The following RNU6ATAC variants were observed in gnomAD, a reference collection of about 807,000 sequenced individuals.
The protein encoded by RNU6ATAC is RNA, U6atac small nuclear.
exon 1 of RNU6ATAC, chr9:134,164,559 C>G (rs985803578): frequency 6.6e-6 from 1 of 152,166 alleles, no homozygotes; most frequent in Non-Finnish European, 1.5e-5. Context: ...TCCTTTCATA[C>G]AACACGCCTC....
chr9:134,164,492 G>C (rs1174531925), exon 1 of RNU6ATAC: 1 of 150,526 alleles, frequency 6.6e-6, no homozygotes, highest in South Asian at 2.1e-4. Context: ...AACCGTATGC[G>C]TGTTGTCAGG....
chr9:134,164,494 G>GT (rs1377120209), exon 1 of RNU6ATAC: 1 of 150,676 alleles, frequency 6.6e-6, no homozygotes, highest in Admixed American at 6.6e-5. Context: ...CCGTATGCGT[G>GT]TTGTCAGGCC....
chr9:134,164,549 T>C (rs1347177974), exon 1 of RNU6ATAC: 1 of 152,138 alleles, frequency 6.6e-6, no homozygotes. Context: ...TAACCTTCTC[T>C]CCTTTCATAC....
At chr9:134,164,514 C>CG (rs768587731) in exon 1 of RNU6ATAC, 3 of 152,036 alleles carry the variant, frequency 2.0e-5, no homozygotes, top group Non-Finnish European at 4.4e-5. Flanking sequence ...CCGAGGGCCT[C>CG]TTCCATCCTT....
chr9:134,164,498 T>G (rs1179239351), exon 1 of RNU6ATAC: 1 of 152,160 alleles, frequency 6.6e-6, no homozygotes, highest in East Asian at 1.9e-4. Flanking sequence ...ATGCGTGTTG[T>G]CAGGCCCGAG....
At chr9:134,164,446 G>C (rs1359319021) in exon 1 of RNU6ATAC, 3 of 149,796 alleles carry the variant, frequency 2.0e-5, no homozygotes, top group African/African-American at 5.0e-5. Context: ...AAAAAAAAAC[G>C]ATGGTTAGAT....
At chr9:134,164,464 A>C (rs1020414546) in exon 1 of RNU6ATAC, 18 of 151,770 alleles carry the variant, frequency 1.2e-4, no homozygotes, top group African/African-American at 4.1e-4. Flanking sequence ...GATGCCACGA[A>C]GTAGGTGGCA....
chr9:134,164,550 C>T (rs1275567613), exon 1 of RNU6ATAC: 2 of 152,170 alleles, frequency 1.3e-5, no homozygotes, highest in African/African-American at 2.4e-5. Flanking sequence ...AACCTTCTCT[C>T]CTTTCATACA....
chr9:134,164,506 G>C (rs1041889612), exon 1 of RNU6ATAC: 1 of 151,354 alleles, frequency 6.6e-6, no homozygotes, highest in Non-Finnish European at 1.5e-5. Context: ...TGTCAGGCCC[G>C]AGGGCCTCTT....
exon 1 of RNU6ATAC, chr9:134,164,485 C>CGT (rs1833024510): frequency 6.6e-6 from 1 of 152,020 alleles, no homozygotes; most frequent in Admixed American, 6.5e-5. Context: ...ATGCCTTAAC[C>CGT]GTATGCGTGT....
Position 134,164,535 on chromosome 9 carries a change from G to A in RNU6ATAC, n.30C>T, listed in dbSNP as rs1419799440. On this transcript the variant is annotated non_coding_transcript_exon_variant, in exon 1 of 1. Transcript: ENST00000408749. ...GCCTCTTCCATCCTTGTCAAGGGGA[G>A]TGCTAACCTTCTCTCCTTTCATACA... 1 of 151,924 alleles carries A rather than the reference G, an allele frequency of 6.6e-6. No individual in the cohort carries two copies. The highest frequency in any genetic ancestry group is 1.5e-5 in the Non-Finnish European group (1 of 68,020). 9.4% of individuals were successfully genotyped at this position (151,924 alleles called of 1,614,324 possible). A position where few individuals can be genotyped will look rare whatever the true frequency, so the allele number is the denominator to read the frequency against.
At chr9:134,164,505 C>T (rs1239045277) in exon 1 of RNU6ATAC, 5 of 151,936 alleles carry the variant, frequency 3.3e-5, no homozygotes, top group Non-Finnish European at 5.9e-5. Flanking sequence ...TTGTCAGGCC[C>T]GAGGGCCTCT....
At chr9:134,164,476 T>G (rs1467121575) in exon 1 of RNU6ATAC, 1 of 149,014 alleles carries the variant, frequency 6.7e-6, no homozygotes, top group African/African-American at 2.5e-5. Flanking sequence ...TAGGTGGCAA[T>G]GCCTTAACCG....
chr9:134,164,525 G>C (rs1445714938), exon 1 of RNU6ATAC: 1 of 151,388 alleles, frequency 6.6e-6, no homozygotes, highest in African/African-American at 2.4e-5. Context: ...TTCCATCCTT[G>C]TCAAGGGGAG....
chr9:134,164,508 G>A (rs907304037), exon 1 of RNU6ATAC: 5 of 151,590 alleles, frequency 3.3e-5, no homozygotes, highest in African/African-American at 7.3e-5. Flanking sequence ...TCAGGCCCGA[G>A]GGCCTCTTCC....
exon 1 of RNU6ATAC, chr9:134,164,495 T>G (rs782563797): frequency 6.6e-6 from 1 of 152,060 alleles, no homozygotes; most frequent in African/African-American, 2.4e-5. Context: ...CGTATGCGTG[T>G]TGTCAGGCCC....
exon 1 of RNU6ATAC, chr9:134,164,498 T>TA (rs1201794491): frequency 2.6e-5 from 4 of 152,160 alleles, no homozygotes; most frequent in Non-Finnish European, 4.4e-5. Context: ...ATGCGTGTTG[T>TA]CAGGCCCGAG....
exon 1 of RNU6ATAC, chr9:134,164,499 C>G (rs551432253): frequency 6.6e-6 from 1 of 151,310 alleles, no homozygotes; most frequent in African/African-American, 2.4e-5. Flanking sequence ...TGCGTGTTGT[C>G]AGGCCCGAGG....
exon 1 of RNU6ATAC, chr9:134,164,536 T>G (rs1166751573): frequency 6.6e-6 from 1 of 151,056 alleles, no homozygotes; most frequent in Non-Finnish European, 1.5e-5. Context: ...TCAAGGGGAG[T>G]GCTAACCTTC....
Sources: allele counts gnomAD v4.1 joint callset, GRCh38; gene constraint gnomAD v4.1.1; transcripts MANE v1.5; gene names NCBI Gene and HGNC (gene_info 2026-07-23, HGNC 2026-07-21).